The following ADK variants were observed in gnomAD, a reference collection of about 807,000 sequenced individuals.
ADK encodes the protein N6,N6-dimethyladenosine kinase.
A neutral mutation model predicts 44.7 loss-of-function variants in ADK; 24 were observed. The observed-to-expected ratio is 0.54, with a 90% CI of 0.39 to 0.76. ADK has a LOEUF of 0.76. Among genes scored for constraint, ADK ranks in the 30% least tolerant of loss-of-function variants. The probability of loss-of-function intolerance (pLI) is 0.00; values close to 1 mark genes in which losing one functional copy is unlikely to be tolerated. For missense variants in ADK, 321 were observed against 425.1 expected (o/e 0.76, Z 2.15); for synonymous variants, 128 against 142.6 (o/e 0.90, Z 0.73).
chr10:74,709,253 T>C lies in ADK; in HGVS notation c.*808T>C, dbSNP rs977014428. Reference sequence around the variant, plus strand: ...CAATATAATACACTGAAGAATAACTTAGTATCAGAGACCAATAAATCACTT... The same window carrying C: ...CAATATAATACACTGAAGAATAACTCAGTATCAGAGACCAATAAATCACTT... On this transcript the variant is annotated 3_prime_UTR_variant, in exon 11 of 11. Coordinates refer to ENST00000539909, the MANE Select transcript of ADK (RefSeq NM_006721.4). 4.6e-5 allele frequency: 7 copies of C among 151,224 alleles called. No homozygotes were observed. Among genetic ancestry groups the C allele is most frequent in the African/African-American group, 1.7e-4 (7 of 40,552 alleles). The allele number at this position is 151,224 out of a possible 1,614,324, so 9.4% of individuals were successfully genotyped here.
chr10:74,371,333 A>G (rs1401418481), intron 4 of ADK, among the ~76,000 whole-genome samples: 2 of 152,238 alleles, frequency 1.3e-5, no homozygotes, highest in Non-Finnish European at 2.9e-5. Flanking sequence ...AACTGGATAA[A>G]TAAAAGGCAT....
chr10:74,291,380 G>A (rs1002278703), intron 3 of ADK, among the ~76,000 whole-genome samples: 3 of 152,160 alleles, frequency 2.0e-5, no homozygotes, highest in African/African-American at 7.2e-5. Context: ...CCGCACCATT[G>A]CACTCCAGCC....
At chr10:74,197,387 C>T (rs777021041) in intron 1 of ADK, among the ~76,000 whole-genome samples, 2 of 152,064 alleles carry the variant, frequency 1.3e-5, no homozygotes, top group Non-Finnish European at 2.9e-5. Context: ...CTTAAGTCTC[C>T]CAGCAAGCTA....
chr10:74,216,490 C>T (rs529287027), intron 2 of ADK, among the ~76,000 whole-genome samples: 9 of 151,958 alleles, frequency 5.9e-5, no homozygotes, highest in African/African-American at 9.7e-5. Context: ...TTTGGGAGGA[C>T]AAGGTGGGCG....
intron 2 of ADK, among the ~76,000 whole-genome samples, chr10:74,215,465 C>G (rs1484920939): frequency 6.6e-6 from 1 of 151,296 alleles, no homozygotes; most frequent in Non-Finnish European, 1.5e-5. Context: ...CGCCTGCCAC[C>G]ACGCCTGGCT....
chr10:74,658,930 A>G (rs944649165), intron 9 of ADK, among the ~76,000 whole-genome samples: 56 of 152,272 alleles, frequency 3.7e-4, no homozygotes, highest in South Asian at 1.0e-3. Context: ...ATGTGTATAT[A>G]TATAGTCAGG....
intron 10 of ADK, among the ~76,000 whole-genome samples, chr10:74,678,007 G>A (rs2134222176): frequency 6.6e-6 from 1 of 150,428 alleles, no homozygotes; most frequent in South Asian, 2.1e-4. Context: ...CAGGCAGGGT[G>A]GCATGTGCCT....
At chr10:74,291,367 A>T (rs1847425745) in intron 3 of ADK, among the ~76,000 whole-genome samples, 1 of 152,206 alleles carries the variant, frequency 6.6e-6, no homozygotes, top group Admixed American at 6.5e-5. Context: ...CAGTGAGCTG[A>T]GACCGCACCA....
At chr10:74,162,655 C>T (rs1841939396) in intron 1 of ADK, among the ~76,000 whole-genome samples, 1 of 151,888 alleles carries the variant, frequency 6.6e-6, no homozygotes. Context: ...AGCAATTCTC[C>T]TGCCTCAGCC....
chr10:74,220,602 A>G (rs1229685358), intron 2 of ADK, among the ~76,000 whole-genome samples: 7 of 152,260 alleles, frequency 4.6e-5, no homozygotes, highest in African/African-American at 1.7e-4. Context: ...CTTGATGAAC[A>G]TTAATGCAAA....
rs769031099 is a variant in ADK, at chr10:74,708,442, C to T, written c.1086C>T (p.His362=). The part of the protein sequence containing the change: ...GCTFPEKPDF[H] ...CCTTTCCTGAGAAGCCAGACTTCCA[C>T]TGATGGAAGAGCTGAAAACACAAGC... Residue 362 remains histidine (H), a synonymous_variant, in exon 11 of 11, where the codon CAC becomes CAT. Coordinates refer to ENST00000539909, the MANE Select transcript of ADK (RefSeq NM_006721.4). The T allele has an allele frequency of 3.1e-6, 5 of 1,610,930 alleles. No individual in the cohort carries two copies. The African/African-American group carries it at 6.7e-5, about 22-fold the overall frequency.
chr10:74,171,624 C>G lies in ADK; in HGVS notation c.65+20281C>G, dbSNP rs190883879. 6.9e-3 allele frequency among the ~76,000 whole-genome samples: 1,046 copies of G among 152,264 alleles called. 7 individuals are homozygous for G. Among genetic ancestry groups the G allele is most frequent in the Non-Finnish European group, 0.012 (821 of 68,030 alleles). ...ACCCACTTATCTTGATTCAGCTATTCTAATTGTAAAAAGACTACTGAAGGT... is the reference window on the plus strand; with the variant it reads ...ACCCACTTATCTTGATTCAGCTATTGTAATTGTAAAAAGACTACTGAAGGT... On this transcript the variant is annotated intron_variant, in intron 1 of 10. Coordinates refer to ENST00000539909, the MANE Select transcript of ADK (RefSeq NM_006721.4).
intron 3 of ADK, among the ~76,000 whole-genome samples, chr10:74,301,407 G>C (rs770049926): frequency 2.0e-5 from 3 of 151,480 alleles, no homozygotes; most frequent in Middle Eastern, 3.4e-3. Context: ...TCAGCTTCTC[G>C]GGAGGCTAAG....
chr10:74,324,462 A>G (rs1041523737), intron 4 of ADK, among the ~76,000 whole-genome samples: 3 of 152,302 alleles, frequency 2.0e-5, no homozygotes, highest in African/African-American at 7.2e-5. Context: ...CTATGAGATC[A>G]GCTTTGTTAT....
At chr10:74,226,527 C>G (rs1025708037) in intron 3 of ADK, among the ~76,000 whole-genome samples, 2 of 152,146 alleles carry the variant, frequency 1.3e-5, no homozygotes, top group Non-Finnish European at 2.9e-5. Flanking sequence ...TTCTTCTGTT[C>G]GTGCATTACT....
intron 3 of ADK, among the ~76,000 whole-genome samples, chr10:74,250,601 A>AGATAGTT (rs1326256408): frequency 6.6e-6 from 1 of 152,200 alleles, no homozygotes; most frequent in East Asian, 1.9e-4. Context: ...CAGTTTACAA[A>AGATAGTT]GATAGTTGAT....
At chr10:74,598,933 G>C (rs1589285234) in intron 8 of ADK, among the ~76,000 whole-genome samples, 1 of 152,094 alleles carries the variant, frequency 6.6e-6, no homozygotes, top group South Asian at 2.1e-4. Context: ...AAATATATTT[G>C]TGCTAAGGAA....
chr10:74,270,487 T>G (rs2132406356), intron 3 of ADK, among the ~76,000 whole-genome samples: 2 of 152,306 alleles, frequency 1.3e-5, no homozygotes, highest in Middle Eastern at 6.8e-3. Flanking sequence ...GATCCAGAAC[T>G]CCTGGTCTCA....
At chr10:74,274,965 T>A (rs899947500) in intron 3 of ADK, among the ~76,000 whole-genome samples, 2 of 151,308 alleles carry the variant, frequency 1.3e-5, no homozygotes, top group African/African-American at 4.9e-5. Flanking sequence ...CCCTTTTTTT[T>A]ATAGGGAAGT....
Sources: gnomAD v4.1 joint callset for allele counts (sites outside exome capture counted in the v4.1 genomes callset) on GRCh38, gnomAD v4.1.1 for gene constraint, MANE v1.5 for transcripts, NCBI Gene and HGNC (gene_info 2026-07-23, HGNC 2026-07-21) for gene names.